The following NCAM2 variants were observed in gnomAD, a reference collection of about 807,000 sequenced individuals.
NCAM2 encodes N-CAM-2.
Under a neutral mutation model 98.1 loss-of-function variants are expected in NCAM2, and 30 were observed. The ratio of observed to expected loss-of-function variants is 0.31; its 90% confidence interval spans 0.23 to 0.41. NCAM2 has a LOEUF of 0.41. Ranked by LOEUF, NCAM2 falls within the 10% of genes least tolerant of loss-of-function variation. The pLI, the probability that NCAM2 is intolerant of heterozygous loss-of-function variation, is 1.00. For missense variants in NCAM2, 867 were observed against 1,005.8 expected, an observed-to-expected ratio of 0.86 and a Z score of 1.87; for synonymous variants, 368 against 342.4, an observed-to-expected ratio of 1.07 and a Z score of -0.83.
intron 1 of NCAM2, among the ~76,000 whole-genome samples, chr21:21,128,321 C>T (rs972453309): frequency 2.0e-5 from 3 of 151,872 alleles, no homozygotes; most frequent in African/African-American, 7.3e-5. Flanking sequence ...AAAATGGATG[C>T]ATGCCTGGTA....
chr21:21,509,169 C>A, intron 16 of NCAM2, 114 bp downstream of exon 16: 2 of 871,580 alleles, frequency 2.3e-6, no homozygotes, highest in Non-Finnish European at 3.6e-6. Flanking sequence ...TTTGATTATG[C>A]AACATTGGAC....
chr21:21,515,411 A>T (rs943357645), intron 16 of NCAM2, among the ~76,000 whole-genome samples: 8 of 152,190 alleles, frequency 5.3e-5, no homozygotes, highest in Non-Finnish European at 8.8e-5. Flanking sequence ...TAAATTTTTT[A>T]AAAAATGTTT....
At chr21:21,178,757 A>G (rs971962023) in intron 1 of NCAM2, among the ~76,000 whole-genome samples, 2 of 151,854 alleles carry the variant, frequency 1.3e-5, no homozygotes, top group Non-Finnish European at 2.9e-5. Flanking sequence ...TAAAAGTATC[A>G]TAATTACATT....
At chr21:21,159,326 A>G (rs1469832419) in intron 1 of NCAM2, among the ~76,000 whole-genome samples, 1 of 152,170 alleles carries the variant, frequency 6.6e-6, no homozygotes, top group Non-Finnish European at 1.5e-5. Context: ...TTAGTGTAGT[A>G]TAAGTTTACC....
At chr21:21,157,859 T>C (rs1000071749) in intron 1 of NCAM2, among the ~76,000 whole-genome samples, 1 of 152,152 alleles carries the variant, frequency 6.6e-6, no homozygotes, top group African/African-American at 2.4e-5. Context: ...TCAAGCATCC[T>C]TTTTGGAAAG....
intron 15 of NCAM2, among the ~76,000 whole-genome samples, chr21:21,499,178 TAGA>T (rs1269420206): frequency 6.6e-6 from 1 of 152,196 alleles, no homozygotes; most frequent in African/African-American, 2.4e-5. Flanking sequence ...TAGCTAAAAG[TAGA>T]AGAATGGAAA....
At chr21:21,225,361 C>T (rs2070339747) in intron 1 of NCAM2, among the ~76,000 whole-genome samples, 1 of 151,918 alleles carries the variant, frequency 6.6e-6, no homozygotes, top group Non-Finnish European at 1.5e-5. Context: ...ACATGTTTAT[C>T]CATGTAACAA....
At chr21:21,096,669 A>T (rs1343380914) in intron 1 of NCAM2, among the ~76,000 whole-genome samples, 2 of 151,726 alleles carry the variant, frequency 1.3e-5, no homozygotes, top group African/African-American at 4.8e-5. Flanking sequence ...GTATCTTTCT[A>T]AGTTTGGATC....
At chr21:21,272,068 A>C (rs2072522906) in intron 1 of NCAM2, among the ~76,000 whole-genome samples, 1 of 152,226 alleles carries the variant, frequency 6.6e-6, no homozygotes, top group South Asian at 2.1e-4. Context: ...AATAAGTTCT[A>C]GTAAGGTCAG....
chr21:21,232,733 T>A (rs2147192706), intron 1 of NCAM2, among the ~76,000 whole-genome samples: 1 of 151,846 alleles, frequency 6.6e-6, no homozygotes, highest in East Asian at 1.9e-4. Context: ...CTTTTAAAAT[T>A]ATTTTCTGGT....
rs1197374905 is a variant in NCAM2 at position 21,539,939 on chromosome 21, G to A, written c.*1982G>A. 6.6e-6 allele frequency: 1 copy of A among 152,028 alleles called. No individual in the cohort carries two copies. The highest frequency in any genetic ancestry group is 6.6e-5 in the Admixed American group (1 of 15,240). The allele number at this position is 152,028 out of a possible 1,614,324, so 9.4% of individuals were successfully genotyped here. A position where few individuals can be genotyped will look rare whatever the true frequency, so the allele number is the denominator to read the frequency against. ...GTTGTTTGTTTTGTTTTGTACCAGT[G>A]TACTAAAACTAGTCAAAATACTTGA... On this transcript the variant is annotated 3_prime_UTR_variant, in exon 18 of 18. Coordinates refer to ENST00000400546, the MANE Select transcript of NCAM2 (RefSeq NM_004540.5).
chr21:21,348,474 G>C (rs935648896), intron 8 of NCAM2, among the ~76,000 whole-genome samples: 3 of 151,880 alleles, frequency 2.0e-5, no homozygotes, highest in Non-Finnish European at 2.9e-5. Context: ...GAAAAATATT[G>C]TATGTTCATG....
intron 9 of NCAM2, among the ~76,000 whole-genome samples, chr21:21,399,089 G>A (rs1050238522): frequency 3.3e-5 from 5 of 152,154 alleles, no homozygotes; most frequent in African/African-American, 7.2e-5. Flanking sequence ...GTGTCAGTGA[G>A]GATCCAATGG....
At chr21:21,081,175 G>A (rs571199158) in intron 1 of NCAM2, among the ~76,000 whole-genome samples, 32 of 152,196 alleles carry the variant, frequency 2.1e-4, no homozygotes, top group African/African-American at 7.7e-4. Flanking sequence ...TCACTTAGGC[G>A]TTCTTCCCTT....
At chr21:21,251,079 A>AT (rs200903089) in intron 1 of NCAM2, among the ~76,000 whole-genome samples, 87 of 152,030 alleles carry the variant, frequency 5.7e-4, no homozygotes, top group African/African-American at 1.7e-3. Context: ...ATGTGTCGTG[A>AT]TTTTTTTTCC....
At chr21:21,465,479 C>T (rs555582517) in intron 12 of NCAM2, among the ~76,000 whole-genome samples, 7 of 151,166 alleles carry the variant, frequency 4.6e-5, no homozygotes, top group African/African-American at 9.7e-5. Flanking sequence ...AAGAATGGAA[C>T]GCAAGGAAGT....
intron 9 of NCAM2, among the ~76,000 whole-genome samples, chr21:21,395,997 C>A (rs566758649): frequency 5.9e-5 from 9 of 151,826 alleles, no homozygotes; most frequent in African/African-American, 2.2e-4. Flanking sequence ...GCAACAAAAA[C>A]AAAGATAAAT....
intron 16 of NCAM2, among the ~76,000 whole-genome samples, chr21:21,520,903 T>C (rs1351497631): frequency 6.6e-6 from 1 of 152,170 alleles, no homozygotes; most frequent in Non-Finnish European, 1.5e-5. Flanking sequence ...TAGGAGGTCC[T>C]ATACTTCTGA....
At chr21:21,320,690 A>G (rs1354179535) in intron 5 of NCAM2, among the ~76,000 whole-genome samples, 2 of 152,150 alleles carry the variant, frequency 1.3e-5, no homozygotes, top group Non-Finnish European at 2.9e-5. Flanking sequence ...CATAATTGAG[A>G]TGTCTTATTG....
Sources: allele counts gnomAD v4.1 joint callset (sites outside exome capture counted in the v4.1 genomes callset), GRCh38; gene constraint gnomAD v4.1.1; transcripts MANE v1.5; gene names NCBI Gene and HGNC (gene_info 2026-07-23, HGNC 2026-07-21).